The following EXOC4 variants were observed in gnomAD, a reference collection of about 807,000 sequenced individuals.
EXOC4 encodes SEC8-like 1.
EXOC4 carries 71 observed loss-of-function variants against 107.2 expected under a neutral mutation model. That is an observed-to-expected ratio of 0.66 (90% CI 0.55 to 0.81). EXOC4 has a LOEUF of 0.81. Among genes scored for constraint, EXOC4 ranks in the 30% least tolerant of loss-of-function variants. EXOC4 has a pLI of 0.00. For missense variants in EXOC4, 1,108 were observed against 1,189.6 expected, an observed-to-expected ratio of 0.93 and a Z score of 1.01; for synonymous variants, 456 against 441.2, an observed-to-expected ratio of 1.03 and a Z score of -0.42.
chr7:133,404,261 G>A (rs1797160068), intron 7 of EXOC4, among the ~76,000 whole-genome samples: 2 of 151,904 alleles, frequency 1.3e-5, no homozygotes, highest in South Asian at 2.1e-4. Flanking sequence ...CACTACGCCC[G>A]GCTAATTTTT....
intron 10 of EXOC4, among the ~76,000 whole-genome samples, chr7:133,777,279 AAG>A (rs151199039): frequency 0.07 from 124 of 1,780 alleles, no homozygotes; most frequent in African/African-American, 0.089. Flanking sequence ...GAGAGAGAGA[AAG>A]AGAGAGAGAG....
At chr7:133,540,403 T>C (rs1250966937) in intron 9 of EXOC4, among the ~76,000 whole-genome samples, 1 of 152,196 alleles carries the variant, frequency 6.6e-6, no homozygotes, top group Non-Finnish European at 1.5e-5. Flanking sequence ...AAAGAAAATA[T>C]ATTAAAAACC....
chr7:133,539,874 G>C (rs1022793985), intron 9 of EXOC4, among the ~76,000 whole-genome samples: 5 of 152,044 alleles, frequency 3.3e-5, no homozygotes, highest in Non-Finnish European at 7.4e-5. Context: ...ATCTTACTAA[G>C]GAAATGTCTA....
At chr7:133,478,772 A>G (rs933076808) in intron 8 of EXOC4, 1 of 151,348 alleles carries the variant, frequency 6.6e-6, no homozygotes, top group African/African-American at 2.4e-5. Context: ...GAGTTTATTT[A>G]TTTTTTTTCT....
chr7:134,002,027 C>T (rs376218111), intron 15 of EXOC4, among the ~76,000 whole-genome samples: 7 of 152,192 alleles, frequency 4.6e-5, no homozygotes, highest in African/African-American at 1.4e-4. Flanking sequence ...CAGTAGCAAT[C>T]AGTGTGCTAG....
chr7:133,982,360 G>A (rs932377793), intron 14 of EXOC4, among the ~76,000 whole-genome samples: 6 of 152,120 alleles, frequency 3.9e-5, no homozygotes, highest in Admixed American at 6.5e-5. Context: ...AGACCATCCT[G>A]GCTAACACAG....
chr7:133,513,471 GA>G (rs1350670063), intron 9 of EXOC4, among the ~76,000 whole-genome samples: 1 of 152,160 alleles, frequency 6.6e-6, no homozygotes, highest in African/African-American at 2.4e-5. Flanking sequence ...TTTTAAACAT[GA>G]TACACCTTTT....
chr7:133,943,901 C>T (rs559353724), intron 14 of EXOC4, among the ~76,000 whole-genome samples: 1 of 152,230 alleles, frequency 6.6e-6, no homozygotes, highest in East Asian at 1.9e-4. Flanking sequence ...CTCAAAGATT[C>T]TAGCTGCAAT....
chr7:133,844,378 C>CTTTTTTTTTTTTTT (rs761535651), intron 11 of EXOC4, among the ~76,000 whole-genome samples: 2 of 83,392 alleles, frequency 2.4e-5, no homozygotes, highest in African/African-American at 5.8e-5. Flanking sequence ...CCACATATTC[C>CTTTTTTTTTTTTTT]TTTTTTTTTT....
chr7:133,575,814 A>G (rs994692341), intron 9 of EXOC4, among the ~76,000 whole-genome samples: 2 of 152,126 alleles, frequency 1.3e-5, no homozygotes, highest in African/African-American at 4.8e-5. Flanking sequence ...CTCCAGGTTC[A>G]TCTTAAATGA....
chr7:133,499,695 C>T (rs563738022), intron 9 of EXOC4, among the ~76,000 whole-genome samples: 3 of 152,142 alleles, frequency 2.0e-5, no homozygotes, highest in African/African-American at 4.8e-5. Context: ...GATCACGGGG[C>T]GGAGTTCTCG....
chr7:133,954,165 T>C (rs747746301), intron 14 of EXOC4, among the ~76,000 whole-genome samples: 7 of 152,190 alleles, frequency 4.6e-5, no homozygotes, highest in Non-Finnish European at 7.4e-5. Context: ...TAAGCAAAAA[T>C]GAACATGAGA....
At chr7:133,397,801 T>A (rs1797004287) in intron 7 of EXOC4, among the ~76,000 whole-genome samples, 3 of 152,306 alleles carry the variant, frequency 2.0e-5, no homozygotes, top group Admixed American at 2.0e-4. Flanking sequence ...ACAGCTAACA[T>A]TTGATAAGCA....
chr7:133,894,750 G>A (rs1191648751), intron 11 of EXOC4, among the ~76,000 whole-genome samples: 1 of 82,490 alleles, frequency 1.2e-5, no homozygotes, highest in Admixed American at 9.1e-5. Flanking sequence ...CGGGGGTCAG[G>A]GGTCAGGGAC....
chr7:133,539,051 G>A (rs1261233663), intron 9 of EXOC4, among the ~76,000 whole-genome samples: 2 of 151,294 alleles, frequency 1.3e-5, no homozygotes, highest in Non-Finnish European at 2.9e-5. Flanking sequence ...TTACTTCATT[G>A]TCTGTCTTTA....
chr7:133,840,868 G>A lies in EXOC4; in HGVS notation c.1734+23324G>A, dbSNP rs117684677. On this transcript the variant is annotated intron_variant, in intron 11 of 17. Coordinates refer to ENST00000253861, the MANE Select transcript of EXOC4 (RefSeq NM_021807.4). ...GATGTGCATTATTACTATAAACTTT[G>A]TCTTAAATGTGTTATGTTGTATTTC... is the stretch of plus-strand genomic sequence containing the variant. Among the ~76,000 whole-genome samples, 535 of 152,188 alleles carry A rather than the reference G, an allele frequency of 3.5e-3. 2 individuals carry two copies. Among genetic ancestry groups the A allele is most frequent in the Non-Finnish European group, 5.2e-3 (352 of 68,016 alleles).
At chr7:133,474,849 TTTC>T (rs1396371096) in intron 7 of EXOC4, among the ~76,000 whole-genome samples, 5 of 152,170 alleles carry the variant, frequency 3.3e-5, no homozygotes, top group African/African-American at 1.2e-4. Context: ...GTAAGCCCCA[TTTC>T]TTTATCTATA....
chr7:133,723,673 T>A (rs1002893536), intron 10 of EXOC4, among the ~76,000 whole-genome samples: 1 of 152,158 alleles, frequency 6.6e-6, no homozygotes, highest in East Asian at 1.9e-4. Context: ...GTATTTTTAG[T>A]AGAAACGGGG....
chr7:134,055,690 A>T (rs1795904226), intron 17 of EXOC4, among the ~76,000 whole-genome samples: 1 of 152,104 alleles, frequency 6.6e-6, no homozygotes, highest in African/African-American at 2.4e-5. Context: ...TGTCCAGGGC[A>T]CTCCAACTCT....
Sources: allele counts gnomAD v4.1 joint callset (sites outside exome capture counted in the v4.1 genomes callset), GRCh38; gene constraint gnomAD v4.1.1; transcripts MANE v1.5; gene names NCBI Gene and HGNC (gene_info 2026-07-23, HGNC 2026-07-21).